ROBO1: variants seen among roughly 807,000 people sequenced by gnomAD.
The protein encoded by ROBO1 is roundabout homolog 1.
ROBO1 carries 149 observed loss-of-function variants against 195.9 expected under a neutral mutation model. The ratio of observed to expected loss-of-function variants is 0.76; its 90% confidence interval spans 0.67 to 0.87. The LOEUF (loss-of-function observed/expected upper bound fraction) is 0.87, where lower values mean the gene tolerates loss of function less well. Among genes scored for constraint, ROBO1 ranks in the 40% least tolerant of loss-of-function variants. The pLI, the probability that ROBO1 is intolerant of heterozygous loss-of-function variation, is 0.00. For missense variants in ROBO1, 1,933 were observed against 2,068.3 expected, an observed-to-expected ratio of 0.93 and a Z score of 1.27; for synonymous variants, 816 against 733.2, an observed-to-expected ratio of 1.11 and a Z score of -1.82.
At chr3:79,588,429 T>C (rs1057121310) in intron 2 of ROBO1, among the ~76,000 whole-genome samples, 3 of 151,812 alleles carry the variant, frequency 2.0e-5, no homozygotes, top group African/African-American at 4.8e-5. Flanking sequence ...AACTGTATCA[T>C]GGACTAAATT....
intron 2 of ROBO1, among the ~76,000 whole-genome samples, chr3:79,436,550 T>C (rs1426793478): frequency 6.6e-6 from 1 of 152,136 alleles, no homozygotes; most frequent in Non-Finnish European, 1.5e-5. Flanking sequence ...TTTATTTTGC[T>C]TTGATCTGTA....
At chr3:78,708,771 A>G (rs2081611687) in intron 8 of ROBO1, among the ~76,000 whole-genome samples, 1 of 152,186 alleles carries the variant, frequency 6.6e-6, no homozygotes, top group Non-Finnish European at 1.5e-5. Context: ...AACCTATAAA[A>G]TTGTTACAAA....
chr3:78,806,215 T>C (rs1263128405), intron 4 of ROBO1, among the ~76,000 whole-genome samples: 1 of 152,062 alleles, frequency 6.6e-6, no homozygotes, highest in Non-Finnish European at 1.5e-5. Flanking sequence ...CTTCAGTGAT[T>C]CTCCCCCTTG....
chr3:78,756,116 G>A (rs761869356), intron 4 of ROBO1, among the ~76,000 whole-genome samples: 4 of 151,942 alleles, frequency 2.6e-5, no homozygotes, highest in Non-Finnish European at 5.9e-5. Flanking sequence ...ATATATATAT[G>A]TATGTATAAT....
At chr3:78,897,284 T>A (rs898991731) in intron 4 of ROBO1, among the ~76,000 whole-genome samples, 15 of 152,084 alleles carry the variant, frequency 9.9e-5, no homozygotes, top group Non-Finnish European at 2.1e-4. Context: ...AACACAAGCA[T>A]CAGTATTTTT....
intron 1 of ROBO1, among the ~76,000 whole-genome samples, chr3:79,750,963 C>T (rs1393904018): frequency 3.3e-5 from 5 of 152,104 alleles, no homozygotes; most frequent in Admixed American, 6.5e-5. Context: ...TTTTAATATA[C>T]TTGGTTGTTC....
At chr3:79,749,007 A>G (rs1704002393) in intron 1 of ROBO1, among the ~76,000 whole-genome samples, 2 of 152,168 alleles carry the variant, frequency 1.3e-5, no homozygotes, top group Non-Finnish European at 2.9e-5. Flanking sequence ...AGAAGTTGGA[A>G]TAGTTTGGAG....
At chr3:79,580,454 C>T (rs1943624372) in intron 2 of ROBO1, among the ~76,000 whole-genome samples, 1 of 152,006 alleles carries the variant, frequency 6.6e-6, no homozygotes, top group Non-Finnish European at 1.5e-5. Context: ...TGCACTCCAG[C>T]CTGGGCAACA....
At chr3:78,807,586 T>C (rs948865094) in intron 4 of ROBO1, among the ~76,000 whole-genome samples, 1 of 152,208 alleles carries the variant, frequency 6.6e-6, no homozygotes, top group Admixed American at 6.5e-5. Flanking sequence ...TTACAAGTAA[T>C]ACAAACACTA....
In ROBO1 at chr3:78,635,882, G is replaced by A; in HGVS notation, c.3264C>T (p.Asn1088=). The A allele has an allele frequency of 1.2e-6, 2 of 1,613,926 alleles. No homozygotes were observed. Among genetic ancestry groups the A allele is most frequent in the Non-Finnish European group, 1.7e-6 (2 of 1,179,850 alleles). ...LIQSNLSNNM[N]NGSGDSGEKH... is the part of the protein sequence containing the mutation. ...TCTCGCCAGAGTCCCCGCTGCCATT[G>A]TTCATGTTGTTGCTGAGGTTTGACT... The change falls in exon 23 of 31, where the codon AAC becomes AAT. Residue 1088 remains asparagine, a synonymous_variant. Coordinates refer to ENST00000464233, the MANE Select transcript of ROBO1 (RefSeq NM_002941.4).
intron 3 of ROBO1, among the ~76,000 whole-genome samples, chr3:79,084,231 G>C (rs2079326049): frequency 6.6e-6 from 1 of 152,174 alleles, no homozygotes; most frequent in African/African-American, 2.4e-5. Flanking sequence ...GCCGGCGGTG[G>C]CTCACGCCTG....
At chr3:79,575,174 AATATATATAACATATATATAAAT>A (rs1372356907) in intron 2 of ROBO1, among the ~76,000 whole-genome samples, 3 of 119,902 alleles carry the variant, frequency 2.5e-5, no homozygotes, top group African/African-American at 6.1e-5. Flanking sequence ...AATATATATA[AATATATATAACATATATATAAAT>A]ATATATATAA....
intron 3 of ROBO1, among the ~76,000 whole-genome samples, chr3:79,122,933 T>A (rs961005229): frequency 2.0e-5 from 3 of 151,904 alleles, no homozygotes; most frequent in African/African-American, 7.2e-5. Context: ...TGAAGCAACA[T>A]GTAGTAAAAA....
At chr3:79,447,746 A>T (rs1018500175) in intron 2 of ROBO1, among the ~76,000 whole-genome samples, 1 of 152,140 alleles carries the variant, frequency 6.6e-6, no homozygotes, top group African/African-American at 2.4e-5. Context: ...CACTAGATAG[A>T]GTTGTTTATT....
In ROBO1 at chr3:78,821,495, CTG is replaced by C. The variant is rs564220564; in HGVS notation, c.500-74597_500-74596del. The stretch of plus-strand genomic sequence containing the variant: ...GATGTTTTATCTTATGACATCCCAT[CTG>C]TGTAGTCACTTTTACCTGTTCAGAT... On this transcript the variant is annotated intron_variant, in intron 4 of 30. Transcript: ENST00000464233. 7.1e-3 allele frequency among the ~76,000 whole-genome samples: 1,085 copies of C among 152,176 alleles called. 10 individuals carry two copies. The highest frequency in any genetic ancestry group is 0.013 in the Non-Finnish European group (860 of 68,012).
At chr3:79,072,100 C>G (rs1472746408) in intron 3 of ROBO1, among the ~76,000 whole-genome samples, 1 of 151,802 alleles carries the variant, frequency 6.6e-6, no homozygotes, top group Non-Finnish European at 1.5e-5. Context: ...CTATTTAATA[C>G]AAATTTTATT....
intron 2 of ROBO1, among the ~76,000 whole-genome samples, chr3:79,311,961 T>A (rs1226468089): frequency 1.3e-5 from 2 of 152,078 alleles, no homozygotes; most frequent in Non-Finnish European, 2.9e-5. Context: ...TCACTCCAGA[T>A]CCATGTATCC....
chr3:79,248,975 C>A (rs893710383), intron 2 of ROBO1, among the ~76,000 whole-genome samples: 2 of 152,140 alleles, frequency 1.3e-5, no homozygotes, highest in Non-Finnish European at 2.9e-5. Context: ...ATTTTAGACT[C>A]TAATAAGACA....
At chr3:78,648,112 A>AG (rs1478318974) in intron 19 of ROBO1, among the ~76,000 whole-genome samples, 1 of 151,990 alleles carries the variant, frequency 6.6e-6, no homozygotes, top group Non-Finnish European at 1.5e-5. Flanking sequence ...TAACATTGAG[A>AG]GAAAAAAAAG....
Sources: allele counts gnomAD v4.1 joint callset (sites outside exome capture counted in the v4.1 genomes callset), GRCh38; gene constraint gnomAD v4.1.1; transcripts MANE v1.5; gene names NCBI Gene and HGNC (gene_info 2026-07-23, HGNC 2026-07-21).